The following VRK2 variants were observed in gnomAD, a reference collection of about 807,000 sequenced individuals.
The protein encoded by VRK2 is VRK serine/threonine kinase 2, also known as serine/threonine-protein kinase VRK2.
VRK2 carries 60 observed loss-of-function variants against 57.6 expected under a neutral mutation model. The ratio of observed to expected loss-of-function variants is 1.04; its 90% CI spans 0.85 to 1.29. The LOEUF (loss-of-function observed/expected upper bound fraction) is 1.29. VRK2 is among the 50% of genes most tolerant of loss of function. The pLI is 0.00. For synonymous variants in VRK2, 231 were observed against 199.2 expected (o/e 1.16, Z -1.35); for missense variants, 705 against 588.1 (o/e 1.20, Z -2.06).
At chr2:58,103,400 TA>T (rs994579438) in intron 7 of VRK2, among the ~76,000 whole-genome samples, 1 of 150,792 alleles carries the variant, frequency 6.6e-6, no homozygotes, top group African/African-American at 2.4e-5. Context: ...AATCAGAAAT[TA>T]AAAAGGAGAC....
intron 1 of VRK2, among the ~76,000 whole-genome samples, chr2:58,009,003 C>A (rs1390732768): frequency 6.6e-6 from 1 of 152,048 alleles, no homozygotes; most frequent in Non-Finnish European, 1.5e-5. Context: ...GAAGGTGATT[C>A]CCTCTGCCAA....
intron 1 of VRK2, among the ~76,000 whole-genome samples, chr2:57,998,576 A>G (rs1672994943): frequency 6.6e-6 from 1 of 152,196 alleles, no homozygotes; most frequent in Non-Finnish European, 1.5e-5. Flanking sequence ...ACATTTTTGA[A>G]CAATAGGAGA....
chr2:58,064,862 A>ATTTTT (rs1668408444), intron 2 of VRK2, among the ~76,000 whole-genome samples: 1 of 152,158 alleles, frequency 6.6e-6, no homozygotes, highest in Non-Finnish European at 1.5e-5. Context: ...AAGAAAACAT[A>ATTTTT]AACATTTTTA....
intron 7 of VRK2, among the ~76,000 whole-genome samples, chr2:58,095,631 C>T (rs555483666): frequency 1.3e-5 from 2 of 151,474 alleles, no homozygotes; most frequent in Admixed American, 6.6e-5. Flanking sequence ...TGTTAATTTA[C>T]GGAATTATTT....
At chr2:58,017,036 T>G (rs1673606277) in intron 1 of VRK2, among the ~76,000 whole-genome samples, 1 of 152,182 alleles carries the variant, frequency 6.6e-6, no homozygotes, top group South Asian at 2.1e-4. Flanking sequence ...AAGTTTACTT[T>G]TTTTGTACCT....
chr2:57,984,000 A>T (rs1461200701), intron 1 of VRK2, among the ~76,000 whole-genome samples: 2 of 152,176 alleles, frequency 1.3e-5, no homozygotes, highest in Admixed American at 6.5e-5. Flanking sequence ...TGGGGTTCCC[A>T]TATACTTCCT....
chr2:57,953,588 T>A (rs1353260745), intron 1 of VRK2, among the ~76,000 whole-genome samples: 3 of 152,236 alleles, frequency 2.0e-5, no homozygotes, highest in Non-Finnish European at 4.4e-5. Context: ...TTATAGTTCC[T>A]GTATTCATCT....
intron 1 of VRK2, among the ~76,000 whole-genome samples, chr2:58,004,103 CTTCTT>C (rs1442515830): frequency 3.3e-5 from 5 of 152,096 alleles, no homozygotes; most frequent in African/African-American, 7.2e-5. Context: ...AATCAACTCT[CTTCTT>C]TTCTTCCTGC....
intron 1 of VRK2, among the ~76,000 whole-genome samples, chr2:57,929,952 C>T (rs2103928680): frequency 6.6e-6 from 1 of 152,138 alleles, no homozygotes; most frequent in African/African-American, 2.4e-5. Flanking sequence ...GCAAAGTCTT[C>T]TTTACTCTTC....
At chr2:58,018,832 G>C (rs1673663480) in intron 1 of VRK2, among the ~76,000 whole-genome samples, 1 of 151,990 alleles carries the variant, frequency 6.6e-6, no homozygotes, top group African/African-American at 2.4e-5. Context: ...CTATTCTGCA[G>C]GTTTGTTCCA....
rs1205758542 is a variant in VRK2 at position 58,093,888 on chromosome 2, G to T, written c.543+4165G>T. 4.6e-5 allele frequency among the ~76,000 whole-genome samples: 7 copies of T among 152,162 alleles called. No homozygotes were observed. The East Asian group carries it at 1.3e-3, about 29-fold the overall frequency. On this transcript the variant is annotated intron_variant, in intron 7 of 12. Coordinates refer to ENST00000340157, the MANE Select transcript of VRK2 (RefSeq NM_006296.7). ...AGTTTCAGCTTCCTACATATGGCTA[G>T]CCAGTTTTCCCAGCACCATTTATTA...
At chr2:58,152,204 A>G (rs966297150) in intron 12 of VRK2, among the ~76,000 whole-genome samples, 1 of 151,852 alleles carries the variant, frequency 6.6e-6, no homozygotes, top group Non-Finnish European at 1.5e-5. Context: ...AGTCTTCAAA[A>G]TTTGGTGTCT....
At chr2:58,008,756 A>G (rs1346394078) in intron 1 of VRK2, among the ~76,000 whole-genome samples, 2 of 152,076 alleles carry the variant, frequency 1.3e-5, no homozygotes, top group Non-Finnish European at 1.5e-5. Context: ...GTTATATCTG[A>G]TAAAGGAGGA....
chr2:58,093,564 G>C (rs1165849677), intron 7 of VRK2, among the ~76,000 whole-genome samples: 1 of 152,136 alleles, frequency 6.6e-6, no homozygotes, highest in African/African-American at 2.4e-5. Context: ...CTGGATATTA[G>C]TCCTTTGTCA....
Position 57,954,714 on chromosome 2 carries a change from G to A in VRK2, c.-439+46875G>A, listed in dbSNP as rs547152522. Among the ~76,000 whole-genome samples, 8 of 151,612 alleles carry A rather than the reference G, an allele frequency of 5.3e-5. No homozygotes were observed. In the South Asian group the frequency reaches 8.3e-4, roughly 16 times the overall value. On this transcript the variant is annotated intron_variant, in intron 1 of 15. Coordinates refer to the VRK2 transcript ENST00000417641. ...AATTTCCTAATCATAGTCTGCATAC[G>A]CCCAGGCCCACCTGTAAATTTTAAA... is the stretch of plus-strand genomic sequence containing the variant.
At chr2:58,051,111 T>G (rs1675671780) in intron 2 of VRK2, among the ~76,000 whole-genome samples, 1 of 152,204 alleles carries the variant, frequency 6.6e-6, no homozygotes. Flanking sequence ...TCCCGAAGTG[T>G]TGGGATTACA....
rs969087804 is a variant in VRK2 at position 58,019,666 on chromosome 2, A to G, written c.-438-5999A>G. Among the ~76,000 whole-genome samples, 5 of 152,342 alleles carry G rather than the reference A, an allele frequency of 3.3e-5. No individual in the cohort carries two copies. In the South Asian group the frequency reaches 1.0e-3, roughly 32 times the overall value. ...TTTTTAATGTTTGCAGCACATCAAA[A>G]TAACCTGTGTGATATTATTCACCAA... On this transcript the variant is annotated intron_variant, in intron 1 of 15. Coordinates refer to the VRK2 transcript ENST00000417641.
chr2:57,933,003 T>A (rs2678885), intron 1 of VRK2, among the ~76,000 whole-genome samples: 1 of 151,996 alleles, frequency 6.6e-6, no homozygotes, highest in Admixed American at 6.6e-5. Context: ...TGTTATTGAT[T>A]TCTAGTTTTG....
At chr2:58,112,230 G>C (rs1296528837) in intron 7 of VRK2, among the ~76,000 whole-genome samples, 6 of 152,178 alleles carry the variant, frequency 3.9e-5, no homozygotes, top group African/African-American at 1.2e-4. Context: ...GGGATGCTCA[G>C]CTTTCTTATA....
Sources: allele counts gnomAD v4.1 joint callset (sites outside exome capture counted in the v4.1 genomes callset), GRCh38; gene constraint gnomAD v4.1.1; transcripts MANE v1.5; gene names NCBI Gene and HGNC (gene_info 2026-07-23, HGNC 2026-07-21).